Variants in LAMA5 observed in about 807,000 individuals in gnomAD.
LAMA5 encodes laminin subunit alpha-5.
LAMA5 carries 260 observed loss-of-function variants against 433.4 expected under a neutral mutation model. That is an observed-to-expected ratio of 0.60 (90% CI 0.54 to 0.66). The LOEUF (loss-of-function observed/expected upper bound fraction) is 0.66. LAMA5 is among the 30% of genes least tolerant of loss of function. The probability of loss-of-function intolerance (pLI) is 0.00; values close to 1 mark genes in which losing one functional copy is unlikely to be tolerated. For missense variants in LAMA5, 5,378 were observed against 5,258.5 expected (o/e 1.02, Z -0.70); for synonymous variants, 2,620 against 2,226.6 (o/e 1.18, Z -4.97).
chr20:62,317,519 A>G lies in LAMA5; in HGVS notation c.7357-20T>C. 1 of 1,537,422 alleles carries G rather than the reference A, an allele frequency of 6.5e-7. No individual in the cohort carries two copies. Among genetic ancestry groups the G allele is most frequent in the Non-Finnish European group, 8.8e-7 (1 of 1,138,598 alleles). ...CAGCTCCTGGAATTTGAGTGGACTT[A>G]GCCCCTCATCCTGCTCACAGCCACC... is the stretch of plus-strand genomic sequence containing the variant. On this transcript the variant is annotated intron_variant, in intron 54 of 79. Transcript: ENST00000252999.
chr20:62,334,883 G>T, intron 20 of LAMA5, 138 bp downstream of exon 20: 2 of 809,858 alleles, frequency 2.5e-6, no homozygotes, highest in Non-Finnish European at 4.0e-6. Flanking sequence ...CCTGGCACAG[G>T]CTGGCACCAA....
intron 40 of LAMA5, 30 bp from the exon 41 acceptor site, chr20:62,325,576 GC>G: frequency 6.8e-7 from 1 of 1,473,546 alleles, no homozygotes; most frequent in East Asian, 2.3e-5. Context: ...CCTCAGTGGG[GC>G]CACACTCAAT....
At position 62,338,333 on chromosome 20, in the gene LAMA5, C is replaced by T. The variant is rs373397574; in HGVS notation, c.1655G>A (p.Arg552His). The T allele has an allele frequency of 3.0e-5, 48 of 1,608,130 alleles. No individual in the cohort carries two copies. The African/African-American group carries it at 3.2e-4, about 11-fold the overall frequency. The change falls in exon 13 of 80, where the codon CGC becomes CAC. Residue 552 changes from arginine (R) to histidine (H), a missense_variant. Physicochemically the swap from Arg to His is conservative, Grantham distance 29 (BLOSUM62 0). Transcript: ENST00000252999. ...QCSSPGVADDRCDPDTGQCRC... is the reference protein window; with the variant it reads ...QCSSPGVADDHCDPDTGQCRC... The stretch of plus-strand genomic sequence containing the variant: ...GCACTGGCCTGTGTCAGGGTCACAG[C>T]GGTCATCGGCCACTCCAGGGCTGGA...
At chr20:62,336,099 CA>C in intron 18 of LAMA5, among the ~76,000 whole-genome samples, 1 of 146,430 alleles carries the variant, frequency 6.8e-6, no homozygotes, top group African/African-American at 2.5e-5. Flanking sequence ...CTCATACCCC[CA>C]ATACTCCCTC....
chr20:62,326,741 G>A lies in LAMA5; in HGVS notation c.5234C>T (p.Thr1745Ile). 6.2e-7 allele frequency: 1 copy of A among 1,613,048 alleles called. No homozygotes were observed. Among genetic ancestry groups the A allele is most frequent in the East Asian group, 2.2e-5 (1 of 44,870 alleles). ...VVLQGNQMSI[T>I]FLEPAYPTPG... is the part of the protein sequence containing the mutation. ...CGTGGGGTATGCCGGCTCCAGGAAT[G>A]TGATGCTCATCTGGTTGCCCTGGGA... Residue 1745 changes from threonine (T) to isoleucine (I), a missense_variant, in exon 40 of 80, where the codon ACA (threonine) becomes ATA (isoleucine). Thr to Ile is a moderately conservative substitution (Grantham distance 89). Coordinates refer to ENST00000252999, the MANE Select transcript of LAMA5 (RefSeq NM_005560.6).
In LAMA5 at chr20:62,310,588, G is replaced by A. The variant is rs200954816; in HGVS notation, c.10447-16C>T. On this transcript the variant is annotated splice_polypyrimidine_tract_variant and intron_variant, in intron 75 of 79. Transcript: ENST00000252999. ...CGACGGTCACCTATAGGAGCAGACC[G>A]GGCAGGGATCAGGGCCCAGGGCAGC... 2.7e-4 allele frequency: 423 copies of A among 1,566,898 alleles called. 2 individuals are homozygous for A. Among genetic ancestry groups the A allele is most frequent in the Admixed American group, 1.6e-3 (90 of 55,468 alleles).
chr20:62,353,679 C>A (rs886858433), intron 2 of LAMA5, among the ~76,000 whole-genome samples: 1 of 152,130 alleles, frequency 6.6e-6, no homozygotes, highest in African/African-American at 2.4e-5. Context: ...TCCAGCCAGG[C>A]CTGGTGGCCA....
chr20:62,336,052 T>A (rs1435244380), intron 18 of LAMA5, among the ~76,000 whole-genome samples: 1 of 120,984 alleles, frequency 8.3e-6, no homozygotes, highest in Non-Finnish European at 1.7e-5. Flanking sequence ...ATACTCCCTT[T>A]AGGGCACACT....
chr20:62,345,012 CTTTTTG>C (rs1422365387), intron 11 of LAMA5, among the ~76,000 whole-genome samples: 8 of 152,054 alleles, frequency 5.3e-5, no homozygotes, highest in African/African-American at 7.2e-5. Context: ...TTGTGGATAA[CTTTTTG>C]TTTTTGTTTT....
At position 62,309,603 on chromosome 20, in the gene LAMA5, T is replaced by TTGGGAGGAGGGTGGGAGGGGGCAGG. The variant is rs1316616742; in HGVS notation, c.10948+112_10948+113insCCTGCCCCCTCCCACCCTCCTCCCA. Reference sequence around the variant, plus strand: ...ACATCATAGGAGGGTGGTAGGGGGGTGGGAGGAGGGTGGGAGGGGGCAGGG... The same window carrying TTGGGAGGAGGGTGGGAGGGGGCAGG: ...ACATCATAGGAGGGTGGTAGGGGGGTTGGGAGGAGGGTGGGAGGGGGCAGGGGGAGGAGGGTGGGAGGGGGCAGGG... On this transcript the variant is annotated intron_variant, in intron 79 of 79. Transcript: ENST00000252999. 3.8e-4 allele frequency: 107 copies of TTGGGAGGAGGGTGGGAGGGGGCAGG among 284,364 alleles called. No individual in the cohort carries two copies. The African/African-American group carries it at 9.2e-3, about 24-fold the overall frequency. 17.6% of individuals were successfully genotyped at this position (284,364 alleles called of 1,614,324 possible).
chr20:62,333,943 C>T lies in LAMA5; in HGVS notation c.2836G>A (p.Val946Ile). 1 of 1,612,088 alleles carries T rather than the reference C, an allele frequency of 6.2e-7. No homozygotes were observed. Among genetic ancestry groups the T allele is most frequent in the Non-Finnish European group, 8.5e-7 (1 of 1,179,526 alleles). Reference protein sequence around the residue: ...NRGAMSVSGRVSVREEGRSAT... With the variant: ...NRGAMSVSGRISVREEGRSAT... ...GACCTGCCCTCCTCTCGCACAGAGA[C>T]CCGCCCGCTCACACTCATGGCCCCC... Residue 946 changes from valine to isoleucine, a missense_variant, in exon 23 of 80, where the codon GTC (valine) becomes ATC (isoleucine). Transcript: ENST00000252999.
intron 31 of LAMA5, 139 bp downstream of exon 31, chr20:62,330,349 C>T (rs1980124349): frequency 8.0e-6 from 10 of 1,248,006 alleles, no homozygotes; most frequent in Non-Finnish European, 9.6e-6. Flanking sequence ...GCTGCAAGGG[C>T]AGCTAGTTTG....
intron 4 of LAMA5, 44 bp downstream of exon 4, chr20:62,352,198 T>G: frequency 6.4e-7 from 1 of 1,562,586 alleles, no homozygotes; most frequent in Non-Finnish European, 8.7e-7. Flanking sequence ...TACCCACCTC[T>G]CCGTTCTCCA....
In LAMA5 at chr20:62,319,814, C is replaced by T. The variant is rs73149117; in HGVS notation, c.6760-19G>A. The T allele has an allele frequency of 0.29, 447,221 of 1,528,318 alleles. 66,835 individuals carry two copies. The highest frequency in any genetic ancestry group is 0.31 in the Non-Finnish European group (353,549 of 1,133,002). The allele number at this position is 1,528,318 out of a possible 1,614,324, so 94.7% of individuals were successfully genotyped here. On this transcript the variant is annotated intron_variant, in intron 50 of 79. Coordinates refer to ENST00000252999, the MANE Select transcript of LAMA5 (RefSeq NM_005560.6). ...CCACGGCCTGTGGAGGAAGAGCCCA[C>T]TAGCCCACGCTGCTGGTAGGCGAGG...
intron 10 of LAMA5, 69 bp downstream of exon 10, chr20:62,346,012 A>ACC (rs1362367119): frequency 6.2e-7 from 1 of 1,601,058 alleles, no homozygotes; most frequent in Non-Finnish European, 8.5e-7. Context: ...GAACCCCTCC[A>ACC]CCCCCTGCAG....
At position 62,324,379 on chromosome 20, in the gene LAMA5, T is replaced by G. The variant is rs1169728060; in HGVS notation, c.5643+62A>C. 4.4e-5 allele frequency: 64 copies of G among 1,456,700 alleles called. No homozygotes were observed. The highest frequency in any genetic ancestry group is 5.9e-5 in the Non-Finnish European group (62 of 1,052,154). The allele number at this position is 1,456,700 out of a possible 1,614,324, so 90.2% of individuals were successfully genotyped here. On this transcript the variant is annotated intron_variant, in intron 42 of 79. Transcript: ENST00000252999. This position sits in a 1 kb window ranked among gnomAD's most constrained non-coding sequence, Gnocchi z 4.4. ...TGGAAGTGCAGCCCCTGGTCTTCCC[T>G]GGCACACTTGACTGTGCCTTCAGTG... is the stretch of plus-strand genomic sequence containing the variant.
rs745914647 is a variant in LAMA5 at position 62,346,663 on chromosome 20, G to A, written c.1191+19C>T. 1 of 1,610,864 alleles carries A rather than the reference G, an allele frequency of 6.2e-7. No individual in the cohort carries two copies. Among genetic ancestry groups the A allele is most frequent in the Admixed American group, 1.7e-5 (1 of 59,970 alleles). On this transcript the variant is annotated intron_variant, in intron 8 of 79. Transcript: ENST00000252999. Reference sequence around the variant, plus strand: ...CCACCTCAGGGCCAGCCCATTCCCAGCCCTCTAGCCCAGCCCACCTGGCAG... The same window carrying A: ...CCACCTCAGGGCCAGCCCATTCCCAACCCTCTAGCCCAGCCCACCTGGCAG...
rs572028376 is a variant in LAMA5 at position 62,363,819 on chromosome 20, C to T, written c.298-1267G>A. 1.5e-4 allele frequency among the ~76,000 whole-genome samples: 23 copies of T among 152,148 alleles called. 1 individual carries two copies. The East Asian group carries it at 4.3e-3, about 28-fold the overall frequency. ...GCACCTACAGAGGGCCCAACCCCCT[C>T]GCCCAGAGTGTGCCCTCTGCCTCCA... On this transcript the variant is annotated intron_variant, in intron 1 of 79. Coordinates refer to ENST00000252999, the MANE Select transcript of LAMA5 (RefSeq NM_005560.6).
chr20:62,351,342 C>T (rs892531074), intron 6 of LAMA5: 17 of 389,036 alleles, frequency 4.4e-5, no homozygotes, highest in South Asian at 3.8e-4. Context: ...GTCTTGGAGT[C>T]GGGGATCAAT....
Sources: gnomAD v4.1 joint callset for allele counts (sites outside exome capture counted in the v4.1 genomes callset) on GRCh38, gnomAD v4.1.1 for gene constraint, Gnocchi (gnomAD v3.1) non-coding constraint, MANE v1.5 for transcripts, NCBI Gene and HGNC (gene_info 2026-07-23, HGNC 2026-07-21) for gene names.